Variants in CYB5R4 observed in about 807,000 individuals in gnomAD.
CYB5R4 encodes the protein cytochrome b5 reductase 4.
Under a neutral mutation model 70.2 loss-of-function variants are expected in CYB5R4, and 55 were observed. The observed-to-expected ratio is 0.78, with a 90% CI of 0.63 to 0.98. The LOEUF is 0.98. Among genes scored for constraint, CYB5R4 ranks in the 50% least tolerant of loss-of-function variants. CYB5R4 has a pLI of 0.00. For synonymous variants in CYB5R4, 197 were observed against 199.5 expected (o/e 0.99, Z 0.11); for missense variants, 562 against 612.6 (o/e 0.92, Z 0.87).
intron 5 of CYB5R4, among the ~76,000 whole-genome samples, chr6:83,915,162 T>C (rs920682433): frequency 1.3e-5 from 2 of 152,174 alleles, no homozygotes; most frequent in African/African-American, 4.8e-5. Flanking sequence ...TTGCAAATAA[T>C]GACTGACACT....
At chr6:83,909,956 A>G in intron 4 of CYB5R4, 1 of 1,427,154 alleles carries the variant, frequency 7.0e-7, no homozygotes, top group Non-Finnish European at 9.6e-7. Context: ...GTGTTGAAGT[A>G]GAGAAACCAT....
chr6:83,914,359 A>G (rs2099465159), intron 4 of CYB5R4, 57 bp from the exon 5 acceptor site: 2 of 1,476,912 alleles, frequency 1.4e-6, no homozygotes, highest in Non-Finnish European at 1.8e-6. Flanking sequence ...GTGGACTGAC[A>G]TTCTCATTGA....
chr6:83,914,564 GT>G lies in CYB5R4; in HGVS notation c.445+117del, dbSNP rs61762821. The G allele has an allele frequency of 3.6e-3, 3,206 of 899,026 alleles. 66 individuals carry two copies. The African/African-American group carries it at 0.052, about 14-fold the overall frequency. The allele number at this position is 899,026 out of a possible 1,614,324, so 55.7% of individuals were successfully genotyped here. ...TTCTTTTTTTTCTTTTTGAGATGGA[GT>G]ATTGCTTTGTCACCCAGGCTGGAGT... is the stretch of plus-strand genomic sequence containing the variant. On this transcript the variant is annotated intron_variant, in intron 5 of 15. Coordinates refer to ENST00000369681, the MANE Select transcript of CYB5R4 (RefSeq NM_016230.4).
At position 83,963,185 on chromosome 6, in the gene CYB5R4, G is replaced by A. The variant is rs987701902; in HGVS notation, c.*3307G>A. ...GATGGGCACATTGTGTCTACCACAG[G>A]CTATAGAAAGAACAGAGAAATTTGT... On this transcript the variant is annotated 3_prime_UTR_variant, in exon 16 of 16. Transcript: ENST00000369681. 6.6e-6 allele frequency: 1 copy of A among 152,182 alleles called. No individual in the cohort carries two copies. Among genetic ancestry groups the A allele is most frequent in the African/African-American group, 2.4e-5 (1 of 41,432 alleles). 9.4% of individuals were successfully genotyped at this position (152,182 alleles called of 1,614,324 possible).
At chr6:83,918,158 T>C in intron 6 of CYB5R4, 93 bp downstream of exon 6, 1 of 868,794 alleles carries the variant, frequency 1.2e-6, no homozygotes, top group Non-Finnish European at 1.9e-6. Flanking sequence ...GTTTGATTTA[T>C]TGCTTACTGT....
chr6:83,906,880 A>G (rs964555626), intron 3 of CYB5R4, among the ~76,000 whole-genome samples: 1 of 152,192 alleles, frequency 6.6e-6, no homozygotes, highest in African/African-American at 2.4e-5. Flanking sequence ...TATTTTAATG[A>G]TTATATAGTA....
chr6:83,940,252 A>T (rs765100597), intron 13 of CYB5R4, 46 bp downstream of exon 13: 1 of 1,540,954 alleles, frequency 6.5e-7, no homozygotes, highest in South Asian at 1.2e-5. Flanking sequence ...AGGCTGTTAT[A>T]TTAGTATAAG....
chr6:83,894,955 T>G (rs888778680), intron 3 of CYB5R4, among the ~76,000 whole-genome samples: 2 of 152,106 alleles, frequency 1.3e-5, no homozygotes, highest in Non-Finnish European at 2.9e-5. Flanking sequence ...CAAACCTGTG[T>G]TGTTCAAGGG....
At position 83,922,332 on chromosome 6, in the gene CYB5R4, G is replaced by C. The variant is rs1162616430; in HGVS notation, c.659-106G>C. On this transcript the variant is annotated intron_variant, in intron 8 of 15. Transcript: ENST00000369681. ...GGTCTTTCAGAACACGTTTTGTCTT[G>C]AGGGATTTGAAATAGTACATAAAAG... 9.5e-6 allele frequency: 7 copies of C among 734,464 alleles called. 1 individual carries two copies. The African/African-American group carries it at 1.3e-4, about 13-fold the overall frequency. The allele number at this position is 734,464 out of a possible 1,614,324, so 45.5% of individuals were successfully genotyped here.
chr6:83,893,292 CCT>C (rs1225187260), intron 2 of CYB5R4, among the ~76,000 whole-genome samples: 26 of 152,222 alleles, frequency 1.7e-4, no homozygotes, highest in African/African-American at 6.3e-4. Context: ...TTGTCTCTGA[CCT>C]AGGAGTCTCT....
At chr6:83,930,917 C>G (rs1049436729) in intron 10 of CYB5R4, among the ~76,000 whole-genome samples, 1 of 152,080 alleles carries the variant, frequency 6.6e-6, no homozygotes, top group African/African-American at 2.4e-5. Context: ...TCCAACTTTT[C>G]TTTTGTAGCT....
chr6:83,905,432 C>T (rs2099463622), intron 3 of CYB5R4, among the ~76,000 whole-genome samples: 1 of 152,120 alleles, frequency 6.6e-6, no homozygotes, highest in African/African-American at 2.4e-5. Context: ...GACACTTCGG[C>T]TTTGATCCTG....
At chr6:83,932,669 C>CTG (rs1554421250) in intron 10 of CYB5R4, among the ~76,000 whole-genome samples, 1 of 151,898 alleles carries the variant, frequency 6.6e-6, no homozygotes, top group African/African-American at 2.4e-5. Context: ...ACTTCACCCT[C>CTG]TGTATCTAGA....
chr6:83,954,249 C>G (rs1023771088), intron 14 of CYB5R4, among the ~76,000 whole-genome samples: 1 of 152,110 alleles, frequency 6.6e-6, no homozygotes. Flanking sequence ...TGCTCCTGTT[C>G]CAGTTTAAGC....
At chr6:83,883,162 A>C (rs778898539) in intron 2 of CYB5R4, among the ~76,000 whole-genome samples, 1 of 152,208 alleles carries the variant, frequency 6.6e-6, no homozygotes. Flanking sequence ...ATAGATGAAT[A>C]TAAATGTCAA....
At chr6:83,874,994 T>TA (rs1200263713) in intron 2 of CYB5R4, among the ~76,000 whole-genome samples, 1 of 151,736 alleles carries the variant, frequency 6.6e-6, no homozygotes, top group African/African-American at 2.4e-5. Flanking sequence ...AGCTAATTTT[T>TA]GTATTTTTAG....
rs959881334 is a variant in CYB5R4, at chr6:83,888,066, G to A, written c.230-5456G>A. On this transcript the variant is annotated intron_variant, in intron 2 of 15. Coordinates refer to ENST00000369681, the MANE Select transcript of CYB5R4 (RefSeq NM_016230.4). ...CTAGTATCAATTTGAGATTATATCT[G>A]CTGGCCCATAATTATTATTTATTTA... Among the ~76,000 whole-genome samples, 8 of 152,252 alleles carry A rather than the reference G, an allele frequency of 5.3e-5. No homozygotes were observed. The East Asian group carries it at 1.5e-3, about 29-fold the overall frequency.
chr6:83,876,437 A>G (rs1381067448), intron 2 of CYB5R4, among the ~76,000 whole-genome samples: 2 of 151,656 alleles, frequency 1.3e-5, no homozygotes, highest in African/African-American at 2.4e-5. Flanking sequence ...TTGTTGACAT[A>G]GTTATCATTA....
Position 83,934,744 on chromosome 6 carries a change from A to C in CYB5R4, c.955+9A>C. On this transcript the variant is annotated intron_variant, in intron 11 of 15. Transcript: ENST00000369681. ...CAAGCTACCTATTACAGGTAAGGTG[A>C]ATAGAGGCTTTGGGACACAATTTAT... 6.2e-7 allele frequency: 1 copy of C among 1,605,274 alleles called. No individual in the cohort carries two copies. The highest frequency in any genetic ancestry group is 8.5e-7 in the Non-Finnish European group (1 of 1,176,788).
Sources: gnomAD v4.1 joint callset for allele counts (sites outside exome capture counted in the v4.1 genomes callset) on GRCh38, gnomAD v4.1.1 for gene constraint, MANE v1.5 for transcripts, NCBI Gene and HGNC (gene_info 2026-07-23, HGNC 2026-07-21) for gene names.